The following NPC1 variants were observed in gnomAD, a reference collection of about 807,000 sequenced individuals.
The protein encoded by NPC1 is Niemann-Pick C1 protein.
A neutral mutation model predicts 140.4 loss-of-function variants in NPC1; 85 were observed. That is an observed-to-expected ratio of 0.61 (90% CI 0.51 to 0.72). The LOEUF is 0.72. Ranked by LOEUF, NPC1 falls within the 30% of genes least tolerant of loss-of-function variation. The pLI, the probability that NPC1 is intolerant of heterozygous loss-of-function variation, is 0.00. For synonymous variants in NPC1, 656 were observed against 624.8 expected (o/e 1.05, Z -0.74); for missense variants, 1,504 against 1,623.8 (o/e 0.93, Z 1.27).
rs570236944 is a variant in NPC1 at position 23,580,919 on chromosome 18, T to C, written c.57+5368A>G. ...CTATTGACGGAAATCTCTGGAAGTGTTTTATAGCCAACCTGGCATGAACGT... is the reference window on the plus strand; with the variant it reads ...CTATTGACGGAAATCTCTGGAAGTGCTTTATAGCCAACCTGGCATGAACGT... On this transcript the variant is annotated intron_variant, in intron 1 of 24. Coordinates refer to ENST00000269228, the MANE Select transcript of NPC1 (RefSeq NM_000271.5). Among the ~76,000 whole-genome samples the C allele has an allele frequency of 5.9e-5, 9 of 152,304 alleles. No individual in the cohort carries two copies. In the South Asian group the frequency reaches 1.9e-3, roughly 32 times the overall value.
At position 23,516,430 on chromosome 18, in the gene NPC1, C is replaced by G. The variant is rs967429153; in HGVS notation, c.432-9788G>C. 3 of 1,612,392 alleles carry G rather than the reference C, an allele frequency of 1.9e-6. No homozygotes were observed. The African/African-American group carries it at 4.0e-5, about 22-fold the overall frequency. ...ACATCGCAATGGCTACCATGTATGT[C>G]CGTGTCAGAGAGAATTCCATCCTGT... is the stretch of plus-strand genomic sequence containing the variant. On this transcript the variant is annotated intron_variant, in intron 3 of 3. Transcript: ENST00000591107.
chr18:23,543,657 A>T, intron 13 of NPC1, 88 bp from the exon 14 acceptor site: 1 of 771,712 alleles, frequency 1.3e-6, no homozygotes, highest in Non-Finnish European at 2.2e-6. Context: ...CTCAAGGGTA[A>T]AAATAAATGA....
chr18:23,560,639 T>C (rs1187147239), intron 5 of NPC1, among the ~76,000 whole-genome samples, 159 bp from the exon 6 acceptor site: 1 of 152,238 alleles, frequency 6.6e-6, no homozygotes, highest in Non-Finnish European at 1.5e-5. Flanking sequence ...GTTTTGCTGC[T>C]TCGTCCTATG....
At chr18:23,528,816 T>C (rs1487762885), downstream of NPC1, 1 of 168,744 alleles carries the variant, frequency 5.9e-6, no homozygotes, top group African/African-American at 2.4e-5. Flanking sequence ...GCATCTGGAG[T>C]TTCTTGGAAA....
intron 4 of NPC1, among the ~76,000 whole-genome samples, chr18:23,566,980 T>G (rs962839551): frequency 1.3e-5 from 2 of 152,236 alleles, no homozygotes; most frequent in Non-Finnish European, 2.9e-5. Context: ...TTAAGGTTCA[T>G]CCATGTACTT....
intron 1 of NPC1, among the ~76,000 whole-genome samples, chr18:23,581,357 C>G (rs2059353295): frequency 6.6e-6 from 1 of 152,158 alleles, no homozygotes; most frequent in African/African-American, 2.4e-5. Context: ...TGCTGAACAC[C>G]CATTCAATTA....
At chr18:23,544,919 C>T (rs1235097249) in intron 12 of NPC1, 41 bp downstream of exon 12, 1 of 1,362,068 alleles carries the variant, frequency 7.3e-7, no homozygotes, top group Non-Finnish European at 1.0e-6. Flanking sequence ...CTGTGCACTG[C>T]TGTTAACCTC....
chr18:23,517,520 A>G (rs1250781082), downstream of NPC1, among the ~76,000 whole-genome samples: 1 of 152,200 alleles, frequency 6.6e-6, no homozygotes, highest in Non-Finnish European at 1.5e-5. Context: ...TTTTAAACAC[A>G]CAATAGAGAC....
At chr18:23,514,932 A>G (rs1419056198) in intron 3 of NPC1, among the ~76,000 whole-genome samples, 1 of 152,112 alleles carries the variant, frequency 6.6e-6, no homozygotes, top group African/African-American at 2.4e-5. Flanking sequence ...GTTCTGTAAT[A>G]TCGGAATATT....
chr18:23,572,242 T>G (rs867198387), intron 2 of NPC1, 62 bp from the exon 3 acceptor site: 6 of 1,083,270 alleles, frequency 5.5e-6, no homozygotes, highest in Middle Eastern at 4.0e-4. Context: ...TCAACATTCC[T>G]CAGTGAACTA....
intron 1 of NPC1, among the ~76,000 whole-genome samples, chr18:23,576,092 T>C (rs2059273632): frequency 6.6e-6 from 1 of 151,096 alleles, no homozygotes; most frequent in South Asian, 2.1e-4. Context: ...GTGTGGGGGG[T>C]GCATGCCTGT....
intron 3 of NPC1, among the ~76,000 whole-genome samples, chr18:23,510,238 T>G (rs1160723947): frequency 2.0e-5 from 3 of 151,276 alleles, no homozygotes; most frequent in Non-Finnish European, 1.5e-5. Context: ...GTGGGAGGAT[T>G]GCTTGAGCCT....
At chr18:23,557,815 G>A (rs1428781215) in intron 6 of NPC1, among the ~76,000 whole-genome samples, 4 of 152,136 alleles carry the variant, frequency 2.6e-5, no homozygotes, top group Non-Finnish European at 5.9e-5. Flanking sequence ...CCAGATCTTC[G>A]TTTCTACATA....
At position 23,557,149 on chromosome 18, in the gene NPC1, T is replaced by C; in HGVS notation, c.923A>G (p.Asn308Ser). 4 of 1,613,880 alleles carry C rather than the reference T, an allele frequency of 2.5e-6. No individual in the cohort carries two copies. The highest frequency in any genetic ancestry group is 3.4e-6 in the Non-Finnish European group (4 of 1,179,916). ...ACTTGCATTAACAGAAAAAGCTATA[T>C]TGCTATCGATGGGAGTGTACTCGGA... ...FVSEYTPIDS[N>S]IAFSVNASDK... Residue 308 changes from asparagine (N) to serine (S), a missense_variant, in exon 7 of 25, where the codon AAT becomes AGT. Asn to Ser is a conservative substitution (Grantham distance 46, BLOSUM62 1). Coordinates refer to ENST00000269228, the MANE Select transcript of NPC1 (RefSeq NM_000271.5).
At chr18:23,550,622 C>T (rs566054306) in intron 10 of NPC1, among the ~76,000 whole-genome samples, 32 of 151,816 alleles carry the variant, frequency 2.1e-4, no homozygotes, top group Non-Finnish European at 3.8e-4. Context: ...GCTGGGACCA[C>T]AGGCACCTGC....
At chr18:23,524,366 C>T (rs750204096), downstream of NPC1, 11 of 1,581,570 alleles carry the variant, frequency 7.0e-6, no homozygotes, top group East Asian at 1.1e-4. Context: ...CGAGTGCTAG[C>T]GGAAACTGGG....
At chr18:23,530,612 G>A, downstream of NPC1, 1 of 1,612,216 alleles carries the variant, frequency 6.2e-7, no homozygotes, top group Non-Finnish European at 8.5e-7. Context: ...TTTCACACCA[G>A]GTGAGAATGC....
chr18:23,533,303 C>CT, intron 24 of NPC1, 52 bp downstream of exon 24: 5 of 1,527,586 alleles, frequency 3.3e-6, no homozygotes, highest in Non-Finnish European at 4.5e-6. Context: ...ATAGAATTCC[C>CT]TTTCAGTAAT....
chr18:23,540,610 G>T, intron 16 of NPC1, 73 bp from the exon 17 acceptor site: 1 of 1,127,368 alleles, frequency 8.9e-7, no homozygotes, highest in Non-Finnish European at 1.3e-6. Context: ...AAAATCTTAA[G>T]CACACACAAA....
Sources: allele counts gnomAD v4.1 joint callset (sites outside exome capture counted in the v4.1 genomes callset), GRCh38; gene constraint gnomAD v4.1.1; transcripts MANE v1.5; gene names NCBI Gene and HGNC (gene_info 2026-07-23, HGNC 2026-07-21).